Variants in ZNF804A observed in about 807,000 individuals in gnomAD.
ZNF804A encodes the protein zinc finger protein 804A.
Under a neutral mutation model 16.5 loss-of-function variants are expected in ZNF804A, and 2 were observed. The observed-to-expected ratio is 0.12, with a 90% CI of 0.05 to 0.38. The LOEUF (loss-of-function observed/expected upper bound fraction) is 0.38. Ranked by LOEUF, ZNF804A falls within the 10% of genes least tolerant of loss-of-function variation. ZNF804A has a pLI of 0.99. For missense variants in ZNF804A, 1,473 were observed against 1,390.7 expected (o/e 1.06, Z -0.94); for synonymous variants, 534 against 489.6 (o/e 1.09, Z -1.20).
intron 1 of ZNF804A, among the ~76,000 whole-genome samples, chr2:184,727,352 A>G (rs1385548030): frequency 1.3e-5 from 2 of 151,652 alleles, no homozygotes; most frequent in Non-Finnish European, 3.0e-5. Flanking sequence ...AATCAAAGCA[A>G]TTAAAGTCAA....
chr2:184,707,191 C>G (rs916613485), intron 1 of ZNF804A, among the ~76,000 whole-genome samples: 3 of 152,062 alleles, frequency 2.0e-5, no homozygotes, highest in Non-Finnish European at 2.9e-5. Flanking sequence ...TTCTTCCTTT[C>G]TCTGAAACCA....
intron 1 of ZNF804A, among the ~76,000 whole-genome samples, chr2:184,863,958 AT>A (rs1402345295): frequency 6.6e-6 from 1 of 152,182 alleles, no homozygotes; most frequent in African/African-American, 2.4e-5. Context: ...TAATTGACAA[AT>A]TTGCTGAGAA....
rs1177006423 is a variant in ZNF804A at position 184,783,015 on chromosome 2, G to T, written c.112-83354G>T. Among the ~76,000 whole-genome samples the T allele has an allele frequency of 2.7e-5, 4 of 147,722 alleles. No homozygotes were observed. In the East Asian group the frequency reaches 6.1e-4, roughly 22 times the overall value. The stretch of plus-strand genomic sequence containing the variant: ...TTATCTCTATTTTTTGTTCATTTTT[G>T]TTTTTAATAGGAATATTTTTTCCTC... On this transcript the variant is annotated intron_variant, in intron 1 of 3. Coordinates refer to ENST00000302277, the MANE Select transcript of ZNF804A (RefSeq NM_194250.2).
At chr2:184,912,422 T>C (rs2105832578) in intron 2 of ZNF804A, among the ~76,000 whole-genome samples, 1 of 152,084 alleles carries the variant, frequency 6.6e-6, no homozygotes, top group East Asian at 1.9e-4. Context: ...TTGTGTAAAA[T>C]TTTTTGTTTG....
At chr2:184,765,418 G>A (rs1279488835) in intron 1 of ZNF804A, among the ~76,000 whole-genome samples, 1 of 152,006 alleles carries the variant, frequency 6.6e-6, no homozygotes, top group Non-Finnish European at 1.5e-5. Context: ...CTGCACCCTG[G>A]GCCTGGTAGT....
chr2:184,761,081 A>T (rs1694031119), intron 1 of ZNF804A, among the ~76,000 whole-genome samples: 3 of 152,156 alleles, frequency 2.0e-5, no homozygotes, highest in Admixed American at 2.0e-4. Context: ...GTTGCTTTTG[A>T]GTTCTTACTG....
chr2:184,938,710 AGCACGC>A lies in ZNF804A; in HGVS notation c.3315_3320del (p.Gln1105_Ala1107delinsHis), dbSNP rs752146266. On this transcript the variant is annotated inframe_deletion, in exon 4 of 4. Coordinates refer to ENST00000302277, the MANE Select transcript of ZNF804A (RefSeq NM_194250.2). ...ACTATCCATCACACTGTTTTGCAGC[AGCACGC>A]TGCAGCTGCTGCAGCTGCAGCTGCA... 6.2e-7 allele frequency: 1 copy of A among 1,613,216 alleles called. No individual in the cohort carries two copies.
intron 1 of ZNF804A, among the ~76,000 whole-genome samples, chr2:184,717,754 G>T (rs1054005598): frequency 6.6e-6 from 1 of 152,178 alleles, no homozygotes; most frequent in Non-Finnish European, 1.5e-5. Flanking sequence ...CATATAATGT[G>T]TAATGATCAA....
chr2:184,644,843 T>G (rs1487309972), intron 1 of ZNF804A, among the ~76,000 whole-genome samples: 1 of 152,082 alleles, frequency 6.6e-6, no homozygotes, highest in Non-Finnish European at 1.5e-5. Context: ...CTTTTATTTT[T>G]TAAGTTCTGA....
At chr2:184,914,455 C>A (rs1685415352) in intron 2 of ZNF804A, among the ~76,000 whole-genome samples, 1 of 152,088 alleles carries the variant, frequency 6.6e-6, no homozygotes, top group African/African-American at 2.4e-5. Context: ...GGCTTCCCAC[C>A]AAATAATAAA....
At chr2:184,825,351 G>C (rs1162662314) in intron 1 of ZNF804A, among the ~76,000 whole-genome samples, 1 of 152,158 alleles carries the variant, frequency 6.6e-6, no homozygotes, top group Non-Finnish European at 1.5e-5. Context: ...ATTTGATCCT[G>C]ATTGTTTTTG....
At chr2:184,729,034 A>C (rs1313058452) in intron 1 of ZNF804A, among the ~76,000 whole-genome samples, 3 of 151,926 alleles carry the variant, frequency 2.0e-5, no homozygotes, top group Non-Finnish European at 4.4e-5. Flanking sequence ...GCCAGAAGCT[A>C]GAGGGTTAAG....
rs1685779166 is a variant in ZNF804A at position 184,936,009 on chromosome 2, C to G, written c.613C>G (p.Gln205Glu). The change falls in exon 4 of 4, where the codon CAG (glutamine) becomes GAG (glutamate). Residue 205 changes from glutamine (Q) to glutamate (E), a missense_variant. Coordinates refer to ENST00000302277, the MANE Select transcript of ZNF804A (RefSeq NM_194250.2). ...AKNNQVGDQA[Q>E]GIHRHKIGFS... is the part of the protein sequence containing the mutation. ...AAATAACCAAGTTGGGGATCAAGCCCAGGGGATTCACAGACACAAAATCGG... is the reference window on the plus strand; with the variant it reads ...AAATAACCAAGTTGGGGATCAAGCCGAGGGGATTCACAGACACAAAATCGG... 1 of 1,613,990 alleles carries G rather than the reference C, an allele frequency of 6.2e-7. No homozygotes were observed. Among genetic ancestry groups the G allele is most frequent in the Non-Finnish European group, 8.5e-7 (1 of 1,179,962 alleles).
At chr2:184,746,557 T>G (rs1693793047) in intron 1 of ZNF804A, among the ~76,000 whole-genome samples, 1 of 151,544 alleles carries the variant, frequency 6.6e-6, no homozygotes. Context: ...AACATTACAA[T>G]TATACTCTTT....
intron 1 of ZNF804A, among the ~76,000 whole-genome samples, chr2:184,702,830 G>A (rs1692943788): frequency 6.6e-6 from 1 of 152,070 alleles, no homozygotes; most frequent in South Asian, 2.1e-4. Flanking sequence ...TATGTTATGT[G>A]TATATGTTAT....
intron 2 of ZNF804A, among the ~76,000 whole-genome samples, chr2:184,872,032 A>G (rs1695983198): frequency 6.6e-6 from 1 of 152,088 alleles, no homozygotes; most frequent in Non-Finnish European, 1.5e-5. Flanking sequence ...AAAAAGTTTG[A>G]AAAAGCTCAC....
chr2:184,850,365 G>T (rs1008053992), intron 1 of ZNF804A, among the ~76,000 whole-genome samples: 7 of 151,854 alleles, frequency 4.6e-5, no homozygotes, highest in Admixed American at 2.0e-4. Context: ...TAAAAATGCA[G>T]TCAAGTAGTA....
intron 1 of ZNF804A, among the ~76,000 whole-genome samples, chr2:184,865,478 G>C (rs951415974): frequency 4.6e-5 from 7 of 152,016 alleles, no homozygotes; most frequent in African/African-American, 1.7e-4. Flanking sequence ...TGTGGCGAGA[G>C]GGGGCAAGAA....
chr2:184,849,033 T>C (rs1695563586), intron 1 of ZNF804A, among the ~76,000 whole-genome samples: 1 of 151,148 alleles, frequency 6.6e-6, no homozygotes, highest in Non-Finnish European at 1.5e-5. Context: ...ACAAATATAC[T>C]GCTATATTGT....
Sources: gnomAD v4.1 joint callset for allele counts (sites outside exome capture counted in the v4.1 genomes callset) on GRCh38, gnomAD v4.1.1 for gene constraint, MANE v1.5 for transcripts, NCBI Gene and HGNC (gene_info 2026-07-23, HGNC 2026-07-21) for gene names.